KCNK3: variants seen among roughly 807,000 people sequenced by gnomAD.
KCNK3 encodes the protein potassium channel subfamily K member 3.
In KCNK3, 9 loss-of-function variants were observed where a neutral mutation model predicts 27.3. The observed-to-expected ratio is 0.33, with a 90% CI of 0.20 to 0.57. The LOEUF is 0.57. Among genes scored for constraint, KCNK3 ranks in the 20% least tolerant of loss-of-function variants. The pLI is 0.87. For synonymous variants in KCNK3, 278 were observed against 273.8 expected (o/e 1.02, Z -0.15); for missense variants, 391 against 577.7 (o/e 0.68, Z 3.31).
chr2:26,728,779 T>G lies in KCNK3; in HGVS notation c.*211T>G, dbSNP rs897639736. On this transcript the variant is annotated 3_prime_UTR_variant, in exon 2 of 2. Coordinates refer to ENST00000302909, the MANE Select transcript of KCNK3 (RefSeq NM_002246.3). ...ACCCCTGGGGCCCCCATCGGAGCCCTGCAAATTCCGAGAAATGTGAAACTT... is the reference window on the plus strand; with the variant it reads ...ACCCCTGGGGCCCCCATCGGAGCCCGGCAAATTCCGAGAAATGTGAAACTT... 9.8e-6 allele frequency: 4 copies of G among 410,114 alleles called. No homozygotes were observed. The highest frequency in any genetic ancestry group is 1.7e-5 in the Non-Finnish European group (4 of 236,322). 25.4% of individuals were successfully genotyped at this position (410,114 alleles called of 1,614,324 possible). A position where few individuals can be genotyped will look rare whatever the true frequency, so the allele number is the denominator to read the frequency against.
intron 1 of KCNK3, among the ~76,000 whole-genome samples, chr2:26,698,116 C>T (rs573837570): frequency 6.6e-6 from 1 of 152,292 alleles, no homozygotes; most frequent in East Asian, 1.9e-4. Context: ...CTGTCCCCCA[C>T]ATCCCACCAT....
rs1663571181 is a variant in KCNK3, at chr2:26,733,143, C to T, written c.*4575C>T. The T allele has an allele frequency of 6.6e-6, 1 of 152,146 alleles. No individual in the cohort carries two copies. Among genetic ancestry groups the T allele is most frequent in the Admixed American group, 6.5e-5 (1 of 15,268 alleles). 9.4% of individuals were successfully genotyped at this position (152,146 alleles called of 1,614,324 possible). A position where few individuals can be genotyped will look rare whatever the true frequency, so the allele number is the denominator to read the frequency against. ...TGTACAGCAAAACAAAAATAGAAAA[C>T]CAGCACAGCAGAGTGGAGGTGGGGT... is the stretch of plus-strand genomic sequence containing the variant. On this transcript the variant is annotated 3_prime_UTR_variant, in exon 2 of 2. Coordinates refer to ENST00000302909, the MANE Select transcript of KCNK3 (RefSeq NM_002246.3).
chr2:26,710,766 G>A (rs1010945908), intron 1 of KCNK3, among the ~76,000 whole-genome samples: 1 of 152,120 alleles, frequency 6.6e-6, no homozygotes, highest in South Asian at 2.1e-4. Flanking sequence ...GGAGGGCCTG[G>A]CACCCGATTC....
intron 1 of KCNK3, among the ~76,000 whole-genome samples, chr2:26,711,626 G>T (rs1663110170): frequency 6.6e-6 from 1 of 152,172 alleles, no homozygotes; most frequent in Non-Finnish European, 1.5e-5. Flanking sequence ...CCTCTCTGTG[G>T]CTCCGTTACT....
At chr2:26,722,585 C>A (rs894512959) in intron 1 of KCNK3, among the ~76,000 whole-genome samples, 4 of 152,252 alleles carry the variant, frequency 2.6e-5, no homozygotes, top group African/African-American at 9.6e-5. Flanking sequence ...CTCCACTAAA[C>A]TGCAGAGATC....
chr2:26,699,360 G>A (rs761735030), intron 1 of KCNK3, among the ~76,000 whole-genome samples: 4 of 152,082 alleles, frequency 2.6e-5, no homozygotes, highest in Non-Finnish European at 5.9e-5. Context: ...CCGTTTCCAC[G>A]CATTACCGTT....
In KCNK3 at chr2:26,721,072, C is replaced by T. The variant is rs1663319798; in HGVS notation, c.284-6595C>T. ...GCCAAGGGCCACCTCCCGTCCCCAT[C>T]CTGGATGTCTAAGGGGTGGTTTCTC... On this transcript the variant is annotated intron_variant, in intron 1 of 1. Transcript: ENST00000302909. This position sits in a 1 kb window ranked among gnomAD's most constrained non-coding sequence, Gnocchi z 4.3. 6.6e-6 allele frequency among the ~76,000 whole-genome samples: 1 copy of T among 152,164 alleles called. No individual in the cohort carries two copies. The highest frequency in any genetic ancestry group is 2.4e-5 in the African/African-American group (1 of 41,444).
chr2:26,728,612 C>T lies in KCNK3; in HGVS notation c.*44C>T. 1 of 1,403,366 alleles carries T rather than the reference C, an allele frequency of 7.1e-7. No homozygotes were observed. Among genetic ancestry groups the T allele is most frequent in the Non-Finnish European group, 9.3e-7 (1 of 1,079,144 alleles). 86.9% of individuals were successfully genotyped at this position (1,403,366 alleles called of 1,614,324 possible). Reference sequence around the variant, plus strand: ...AGCACCTGGGGGCGCGGGCGGGGGACCCCTGCTGGGAGGCCAGGAGACTGC... The same window carrying T: ...AGCACCTGGGGGCGCGGGCGGGGGATCCCTGCTGGGAGGCCAGGAGACTGC... On this transcript the variant is annotated 3_prime_UTR_variant, in exon 2 of 2. Coordinates refer to ENST00000302909, the MANE Select transcript of KCNK3 (RefSeq NM_002246.3).
At chr2:26,699,275 C>T (rs535084997) in intron 1 of KCNK3, among the ~76,000 whole-genome samples, 104 of 148,916 alleles carry the variant, frequency 7.0e-4, no homozygotes, top group African/African-American at 2.3e-3. Context: ...GAAAGGTACA[C>T]GGTGGTAGGA....
intron 1 of KCNK3, among the ~76,000 whole-genome samples, chr2:26,697,105 C>A (rs922463224): frequency 6.6e-6 from 1 of 152,164 alleles, no homozygotes; most frequent in East Asian, 1.9e-4. Flanking sequence ...ATGACTCCCC[C>A]ATGGCCTCAG....
chr2:26,724,574 A>C (rs1217794132), intron 1 of KCNK3: 5 of 983,830 alleles, frequency 5.1e-6, no homozygotes, highest in Non-Finnish European at 1.2e-6. Context: ...AGAACTTATT[A>C]TTCTTAAGCC....
intron 1 of KCNK3, among the ~76,000 whole-genome samples, chr2:26,713,189 G>A (rs554423097): frequency 5.3e-5 from 8 of 152,218 alleles, no homozygotes; most frequent in South Asian, 4.1e-4. Flanking sequence ...GGGAGACTGC[G>A]AAAGGAGGAG....
intron 1 of KCNK3, among the ~76,000 whole-genome samples, chr2:26,714,254 TG>T (rs1251242902): frequency 6.6e-6 from 1 of 151,064 alleles, no homozygotes; most frequent in African/African-American, 2.4e-5. Flanking sequence ...GCAGTGTGGG[TG>T]GAGGGGAAGC....
intron 1 of KCNK3, among the ~76,000 whole-genome samples, chr2:26,719,692 G>C (rs1392150151): frequency 6.6e-6 from 1 of 152,132 alleles, no homozygotes; most frequent in African/African-American, 2.4e-5. Flanking sequence ...TGAGGTCAGG[G>C]ACCTCATCAA....
rs1221403451 is a variant in KCNK3 at position 26,693,484 on chromosome 2, G to A, written c.283+326G>A. ...CGGAGGCTCGGGCAGGAGGGGTGTG[G>A]CCGGGCCAGGCCCTGAACAGGGCGC... On this transcript the variant is annotated intron_variant, in intron 1 of 1. Coordinates refer to ENST00000302909, the MANE Select transcript of KCNK3 (RefSeq NM_002246.3). The surrounding 1 kb of genome is among the most constrained non-coding windows in gnomAD (Gnocchi z 5.5). Among the ~76,000 whole-genome samples the A allele has an allele frequency of 6.6e-6, 1 of 152,258 alleles. No homozygotes were observed. The highest frequency in any genetic ancestry group is 1.9e-4 in the East Asian group (1 of 5,192).
chr2:26,713,242 G>A (rs1663158687), intron 1 of KCNK3, among the ~76,000 whole-genome samples: 1 of 152,226 alleles, frequency 6.6e-6, no homozygotes. Context: ...AGATGAGGGA[G>A]GGAAGTCAGG....
rs960924438 is a variant in KCNK3, at chr2:26,721,271, G to T, written c.284-6396G>T. ...CCTGAGAGGGGCAGAGGGAGGAGAG[G>T]CCTCTTCAGTGCCCAGAGAAGGTTC... is the stretch of plus-strand genomic sequence containing the variant. On this transcript the variant is annotated intron_variant, in intron 1 of 1. Coordinates refer to ENST00000302909, the MANE Select transcript of KCNK3 (RefSeq NM_002246.3). This position sits in a 1 kb window ranked among gnomAD's most constrained non-coding sequence, Gnocchi z 4.3. Among the ~76,000 whole-genome samples the T allele has an allele frequency of 6.6e-6, 1 of 152,046 alleles. No homozygotes were observed. The highest frequency in any genetic ancestry group is 1.5e-5 in the Non-Finnish European group (1 of 67,992).
intron 1 of KCNK3, among the ~76,000 whole-genome samples, chr2:26,696,294 G>T (rs1670234488): frequency 6.6e-6 from 1 of 152,368 alleles, no homozygotes; most frequent in African/African-American, 2.4e-5. Flanking sequence ...GCTCAGGGAA[G>T]GGAAGCGGCT....
intron 1 of KCNK3, among the ~76,000 whole-genome samples, chr2:26,726,607 G>A (rs1338892695): frequency 6.6e-6 from 1 of 152,208 alleles, no homozygotes; most frequent in South Asian, 2.1e-4. Flanking sequence ...CATGTTCAGA[G>A]AGTGGGAGTA....
Sources: gnomAD v4.1 joint callset for allele counts (sites outside exome capture counted in the v4.1 genomes callset) on GRCh38, gnomAD v4.1.1 for gene constraint, Gnocchi (gnomAD v3.1) non-coding constraint, MANE v1.5 for transcripts, NCBI Gene and HGNC (gene_info 2026-07-23, HGNC 2026-07-21) for gene names.